Variants in SH3TC1 observed in about 807,000 individuals in gnomAD.
SH3TC1 encodes the protein SH3 domain and tetratricopeptide repeats 1.
A neutral mutation model predicts 117.3 loss-of-function variants in SH3TC1; 135 were observed. The ratio of observed to expected loss-of-function variants is 1.15; its 90% CI spans 1.00 to 1.33. The LOEUF (loss-of-function observed/expected upper bound fraction) is 1.33. Among genes scored for constraint, SH3TC1 ranks in the 40% most tolerant of loss-of-function variants. SH3TC1 has a pLI of 0.00. For synonymous variants in SH3TC1, 898 were observed against 816.9 expected (o/e 1.10, Z -1.69); for missense variants, 2,092 against 1,794.3 (o/e 1.17, Z -3.00).
Position 8,228,306 on chromosome 4 carries a change from T to G in SH3TC1, c.2612T>G (p.Val871Gly). 1 of 1,612,248 alleles carries G rather than the reference T, an allele frequency of 6.2e-7. No homozygotes were observed. The highest frequency in any genetic ancestry group is 1.7e-4 in the Middle Eastern group (1 of 6,054). ...GGCGTGATTGCCAACATGGTGGCCG[T>G]GGCTCTGAAGAGGACGGGCCGGACG... is the stretch of plus-strand genomic sequence containing the variant. ...QEGVIANMVAVALKRTGRTRQ... is the reference protein window; with the variant it reads ...QEGVIANMVAGALKRTGRTRQ... Residue 871 changes from valine (V) to glycine (G), a missense_variant, in exon 12 of 18, where the codon GTG becomes GGG. Physicochemically the swap from Val to Gly is moderately radical, Grantham distance 109 (BLOSUM62 -3). Coordinates refer to ENST00000245105, the MANE Select transcript of SH3TC1 (RefSeq NM_018986.5).
chr4:8,218,206 T>G, intron 7 of SH3TC1, 65 bp from the exon 8 acceptor site: 1 of 1,346,006 alleles, frequency 7.4e-7, no homozygotes, highest in South Asian at 1.2e-5. Flanking sequence ...GTCCAGTCTC[T>G]GCACAGGATG....
At chr4:8,236,163 G>C in intron 15 of SH3TC1, 115 bp from the exon 16 acceptor site, 1 of 1,303,506 alleles carries the variant, frequency 7.7e-7, no homozygotes, top group South Asian at 1.5e-5. Context: ...CAGCTGTGTC[G>C]AGGCCCAGGG....
chr4:8,232,280 G>A, intron 13 of SH3TC1, 124 bp downstream of exon 13: 4 of 1,447,818 alleles, frequency 2.8e-6, no homozygotes, highest in East Asian at 2.4e-5. Context: ...TTGGTTCCTT[G>A]GCATCGGATG....
chr4:8,234,144 T>TCATC (rs750465409), intron 14 of SH3TC1, among the ~76,000 whole-genome samples: 5 of 147,962 alleles, frequency 3.4e-5, no homozygotes, highest in Middle Eastern at 3.8e-3. Flanking sequence ...ATTTATCCAT[T>TCATC]CATCCATCCA....
intron 1 of SH3TC1, among the ~76,000 whole-genome samples, chr4:8,203,621 G>C (rs1047978008): frequency 6.6e-6 from 1 of 152,046 alleles, no homozygotes; most frequent in African/African-American, 2.4e-5. Flanking sequence ...ACTGAGGTGG[G>C]GAAGAAATAA....
In SH3TC1 at chr4:8,227,716, C is replaced by T; in HGVS notation, c.2022C>T (p.His674=). 3 of 1,580,320 alleles carry T rather than the reference C, an allele frequency of 1.9e-6. No homozygotes were observed. The highest frequency in any genetic ancestry group is 2.6e-6 in the Non-Finnish European group (3 of 1,160,586). Residue 674 remains histidine, a synonymous_variant, in exon 12 of 18, where the codon CAC becomes CAT. Coordinates refer to ENST00000245105, the MANE Select transcript of SH3TC1 (RefSeq NM_018986.5). ...GGGCCTGCTTCCTGCTGGCCAGGCA[C>T]CACGTGCACCTCAAGCAGCCCGAGG... ...EARACFLLAR[H]HVHLKQPEEA...
At chr4:8,213,562 G>C (rs1255859059) in intron 4 of SH3TC1, among the ~76,000 whole-genome samples, 1 of 152,132 alleles carries the variant, frequency 6.6e-6, no homozygotes, top group Non-Finnish European at 1.5e-5. Context: ...CTCCGGGTTT[G>C]AATCTCAGCT....
Position 8,219,448 on chromosome 4 carries a change from T to G in SH3TC1, c.1030T>G (p.Trp344Gly), listed in dbSNP as rs1177776714. The G allele has an allele frequency of 6.2e-7, 1 of 1,609,750 alleles. No individual in the cohort carries two copies. Among genetic ancestry groups the G allele is most frequent in the Non-Finnish European group, 8.5e-7 (1 of 1,177,730 alleles). Reference sequence around the variant, plus strand: ...TGGGGCGCAGGTGCCCAGCCTGCCCTGGTGCGTGGGCCGACACGCAGCCTC... The same window carrying G: ...TGGGGCGCAGGTGCCCAGCCTGCCCGGGTGCGTGGGCCGACACGCAGCCTC... ...ILGAQVPSLP[W>G]CVGRHAASGR... Residue 344 changes from tryptophan to glycine, a missense_variant, in exon 9 of 18, where the codon TGG becomes GGG. By Grantham distance (184) the Trp-to-Gly change is radical (BLOSUM62 -2). Transcript: ENST00000245105.
chr4:8,220,254 C>G (rs188757244), intron 9 of SH3TC1, among the ~76,000 whole-genome samples: 6 of 152,172 alleles, frequency 3.9e-5, no homozygotes, highest in Non-Finnish European at 7.3e-5. Flanking sequence ...TTGCAGGCCC[C>G]CATGGGCTGC....
chr4:8,208,213 T>G (rs1021955290), intron 2 of SH3TC1, among the ~76,000 whole-genome samples: 7 of 152,248 alleles, frequency 4.6e-5, no homozygotes, highest in Non-Finnish European at 1.0e-4. Context: ...CCAGGCTGGC[T>G]GCTGCTGGAT....
At position 8,223,254 on chromosome 4, in the gene SH3TC1, C is replaced by A. The variant is rs564064085; in HGVS notation, c.1243+284C>A. 1.4e-4 allele frequency among the ~76,000 whole-genome samples: 22 copies of A among 152,338 alleles called. No homozygotes were observed. In the South Asian group the frequency reaches 4.6e-3, roughly 32 times the overall value. On this transcript the variant is annotated intron_variant, in intron 10 of 17. Coordinates refer to ENST00000245105, the MANE Select transcript of SH3TC1 (RefSeq NM_018986.5). ...CCAGGCACCTGCCTGAGACGCTGGG[C>A]GAGGGAGAGGGTATGGGTCTGGTTC...
At chr4:8,215,360 A>G (rs1578683024) in intron 5 of SH3TC1, 3 of 420,232 alleles carry the variant, frequency 7.1e-6, no homozygotes, top group East Asian at 7.3e-5. Context: ...GTTAGGGAGT[A>G]AGAATTGTAG....
At chr4:8,233,938 CCAAT>C (rs1466664649) in intron 14 of SH3TC1, among the ~76,000 whole-genome samples, 1 of 143,340 alleles carries the variant, frequency 7.0e-6, no homozygotes, top group African/African-American at 2.6e-5. Context: ...TGTCATCCAT[CCAAT>C]CACCCATCAA....
At position 8,228,545 on chromosome 4, in the gene SH3TC1, C is replaced by T; in HGVS notation, c.2851C>T (p.Gln951Ter). ...CCGGGACTTCACCCACGTGCTCCTG[C>T]AGCTGGGCCATCTCTGCACCCGCCA... ...CGRDFTHVLL[Q>*]LGHLCTRQGP... The change falls in exon 12 of 18, where the codon CAG becomes TAG. Residue 951 changes from glutamine to a stop codon, truncating the protein, a stop_gained. Coordinates refer to ENST00000245105, the MANE Select transcript of SH3TC1 (RefSeq NM_018986.5). LOFTEE classifies it high-confidence loss of function. The T allele has an allele frequency of 6.2e-7, 1 of 1,609,746 alleles. No homozygotes were observed. Among genetic ancestry groups the T allele is most frequent in the Non-Finnish European group, 8.5e-7 (1 of 1,178,818 alleles).
chr4:8,214,374 G>A (rs1373941556), intron 4 of SH3TC1, 101 bp from the exon 5 acceptor site: 2 of 1,092,670 alleles, frequency 1.8e-6, no homozygotes, highest in Non-Finnish European at 2.7e-6. Flanking sequence ...CCCCCGCCGG[G>A]GCCACATCTG....
intron 2 of SH3TC1, among the ~76,000 whole-genome samples, chr4:8,207,086 A>C (rs1190454863): frequency 6.6e-6 from 1 of 152,066 alleles, no homozygotes; most frequent in Non-Finnish European, 1.5e-5. Context: ...GCAAAAAAAA[A>C]AAAAAAAAAA....
In SH3TC1 at chr4:8,222,745, ATCTG is replaced by A. The variant is rs1456017696; in HGVS notation, c.1113-88_1113-85del. 6 of 1,479,252 alleles carry A rather than the reference ATCTG, an allele frequency of 4.1e-6. No homozygotes were observed. In the Admixed American group the frequency reaches 9.1e-5, roughly 22 times the overall value. 91.6% of individuals were successfully genotyped at this position (1,479,252 alleles called of 1,614,324 possible). The stretch of plus-strand genomic sequence containing the variant: ...GGGCAGAGAGTAGTGCTCCGAGACT[ATCTG>A]TCTGTCAAATCAAGGAATGGAAATG... On this transcript the variant is annotated intron_variant, in intron 9 of 17. Transcript: ENST00000245105.
At chr4:8,228,687 G>A (rs756678424) in intron 12 of SH3TC1, 43 bp downstream of exon 12, 14 of 1,381,400 alleles carry the variant, frequency 1.0e-5, no homozygotes, top group African/African-American at 2.9e-5. Context: ...GGGGCCACTC[G>A]GGTCAGGGCA....
intron 3 of SH3TC1, among the ~76,000 whole-genome samples, chr4:8,211,573 C>G (rs1394458489): frequency 2.0e-5 from 3 of 146,576 alleles, no homozygotes; most frequent in Non-Finnish European, 4.5e-5. Flanking sequence ...CTTGGGGCAG[C>G]CATGCTCTGC....
Sources: allele counts gnomAD v4.1 joint callset (sites outside exome capture counted in the v4.1 genomes callset), GRCh38; gene constraint gnomAD v4.1.1; transcripts MANE v1.5; gene names NCBI Gene and HGNC (gene_info 2026-07-23, HGNC 2026-07-21).